The following ADAMTSL1 variants were observed in gnomAD, a reference collection of about 807,000 sequenced individuals.
ADAMTSL1 encodes ADAMTS like 1, also known as ADAMTS-like protein 1.
A neutral mutation model predicts 201.8 loss-of-function variants in ADAMTSL1; 126 were observed. That is an observed-to-expected ratio of 0.62 (90% CI 0.54 to 0.72). The LOEUF (loss-of-function observed/expected upper bound fraction) is 0.72. Among genes scored for constraint, ADAMTSL1 ranks in the 30% least tolerant of loss-of-function variants. The pLI is 0.00. For synonymous variants in ADAMTSL1, 1,121 were observed against 903.4 expected, an observed-to-expected ratio of 1.24 and a Z score of -4.32; for missense variants, 2,679 against 2,277.8, an observed-to-expected ratio of 1.18 and a Z score of -3.59.
intron 1 of ADAMTSL1, among the ~76,000 whole-genome samples, chr9:18,091,712 A>C (rs1348383044): frequency 6.6e-6 from 1 of 152,160 alleles, no homozygotes; most frequent in Non-Finnish European, 1.5e-5. Flanking sequence ...CTTATAGAGC[A>C]ATGTGGCATG....
intron 1 of ADAMTSL1, among the ~76,000 whole-genome samples, chr9:17,984,185 A>C (rs1046087740): frequency 1.3e-5 from 2 of 152,126 alleles, no homozygotes; most frequent in African/African-American, 4.8e-5. Context: ...TCTTTTTCAA[A>C]ATTAAAATAG....
At chr9:18,399,316 T>TAC (rs529831193) in intron 2 of ADAMTSL1, among the ~76,000 whole-genome samples, 1 of 122,766 alleles carries the variant, frequency 8.1e-6, no homozygotes, top group African/African-American at 3.2e-5. Flanking sequence ...TATATATATA[T>TAC]ATATATATAT....
chr9:18,811,853 ACAAT>A (rs1448995979), intron 20 of ADAMTSL1, among the ~76,000 whole-genome samples: 1 of 152,222 alleles, frequency 6.6e-6, no homozygotes, highest in African/African-American at 2.4e-5. Context: ...GTCTTTATAG[ACAAT>A]CAAAAGAAAA....
intron 1 of ADAMTSL1, among the ~76,000 whole-genome samples, chr9:17,970,233 C>G (rs921835744): frequency 2.0e-5 from 3 of 152,026 alleles, no homozygotes; most frequent in African/African-American, 7.2e-5. Flanking sequence ...ATGGGAGTAT[C>G]TTAACCTCTT....
chr9:18,874,365 T>C (rs1202117296), intron 23 of ADAMTSL1, among the ~76,000 whole-genome samples: 1 of 152,142 alleles, frequency 6.6e-6, no homozygotes, highest in East Asian at 1.9e-4. Context: ...TGGGCATTCT[T>C]GTCTTGTTCT....
In ADAMTSL1 at chr9:17,944,207, G is replaced by A. The variant is rs536477487; in HGVS notation, c.87+37285G>A. Among the ~76,000 whole-genome samples, 26 of 152,008 alleles carry A rather than the reference G, an allele frequency of 1.7e-4. 1 individual carries two copies. The highest frequency in any genetic ancestry group is 2.9e-4 in the African/African-American group (12 of 41,460). On this transcript the variant is annotated intron_variant, in intron 1 of 29. Coordinates refer to the ADAMTSL1 transcript ENST00000680146. ...AGAGCCAAATCATGAGTGAACTCCC[G>A]TTCACAATTGCTTCAAAGAGAATAA...
At chr9:18,000,560 C>T (rs1819569780) in intron 1 of ADAMTSL1, among the ~76,000 whole-genome samples, 1 of 152,008 alleles carries the variant, frequency 6.6e-6, no homozygotes, top group Non-Finnish European at 1.5e-5. Flanking sequence ...TGTTAGTCAT[C>T]TTGCTTCTAG....
Position 18,865,905 on chromosome 9 carries a change from G to A in ADAMTSL1, c.4250-21926G>A, listed in dbSNP as rs527517269. On this transcript the variant is annotated intron_variant, in intron 23 of 28. Coordinates refer to ENST00000380548, the MANE Select transcript of ADAMTSL1 (RefSeq NM_001040272.6). ...TGCTGATGGCCTCTTTCCTGGGGTGGAAATGCTCCGCATATACGTAGCTGG... is the reference window on the plus strand; with the variant it reads ...TGCTGATGGCCTCTTTCCTGGGGTGAAAATGCTCCGCATATACGTAGCTGG... Among the ~76,000 whole-genome samples, 12 of 152,140 alleles carry A rather than the reference G, an allele frequency of 7.9e-5. No homozygotes were observed. The East Asian group carries it at 2.3e-3, about 29-fold the overall frequency.
chr9:18,805,813 G>C (rs1030849126), intron 20 of ADAMTSL1, among the ~76,000 whole-genome samples: 1 of 152,152 alleles, frequency 6.6e-6, no homozygotes, highest in Non-Finnish European at 1.5e-5. Context: ...TTGGCTTCAG[G>C]ATCTCAAACC....
chr9:18,049,326 G>A (rs1273255228), intron 1 of ADAMTSL1, among the ~76,000 whole-genome samples: 5 of 152,176 alleles, frequency 3.3e-5, no homozygotes, highest in African/African-American at 1.2e-4. Flanking sequence ...TACCAGTGGT[G>A]ATTTTCAGCA....
intron 1 of ADAMTSL1, among the ~76,000 whole-genome samples, chr9:18,143,585 A>T (rs1158758120): frequency 1.3e-5 from 2 of 152,062 alleles, no homozygotes; most frequent in African/African-American, 4.8e-5. Flanking sequence ...CCATGGGTCA[A>T]GTGTAGGCGT....
chr9:18,057,687 A>C (rs1227944356), intron 1 of ADAMTSL1, among the ~76,000 whole-genome samples: 1 of 152,054 alleles, frequency 6.6e-6, no homozygotes, highest in Non-Finnish European at 1.5e-5. Flanking sequence ...ACCACCACCC[A>C]TGTTCTCTGG....
chr9:18,585,519 G>C (rs1452137798), intron 4 of ADAMTSL1, among the ~76,000 whole-genome samples: 3 of 151,992 alleles, frequency 2.0e-5, no homozygotes, highest in Non-Finnish European at 4.4e-5. Context: ...GGAAATTGAG[G>C]CTCATAGAAA....
At chr9:18,080,255 CATATAAGGTAGAG>C (rs1823433728) in intron 1 of ADAMTSL1, among the ~76,000 whole-genome samples, 1 of 152,070 alleles carries the variant, frequency 6.6e-6, no homozygotes, top group Admixed American at 6.5e-5. Flanking sequence ...ACACCAAAGA[CATATAAGGTAGAG>C]ATATAAGGTA....
At chr9:18,468,084 C>T (rs1821073227) in intron 2 of ADAMTSL1, among the ~76,000 whole-genome samples, 1 of 152,102 alleles carries the variant, frequency 6.6e-6, no homozygotes, top group Non-Finnish European at 1.5e-5. Context: ...TTCTCTATTT[C>T]AAAAAGGCTA....
intron 1 of ADAMTSL1, among the ~76,000 whole-genome samples, chr9:18,156,375 G>T (rs1827152787): frequency 6.6e-6 from 1 of 151,910 alleles, no homozygotes; most frequent in South Asian, 2.1e-4. Context: ...TTAAAGTATG[G>T]GTGGTATCCT....
chr9:18,390,464 G>A (rs902690336), intron 2 of ADAMTSL1, among the ~76,000 whole-genome samples: 10 of 152,182 alleles, frequency 6.6e-5, no homozygotes, highest in African/African-American at 2.4e-4. Flanking sequence ...ATGTCTTTCA[G>A]GCAACCCAAA....
intron 2 of ADAMTSL1, among the ~76,000 whole-genome samples, chr9:18,367,251 C>CT (rs1836808666): frequency 6.6e-6 from 1 of 152,114 alleles, no homozygotes; most frequent in African/African-American, 2.4e-5. Flanking sequence ...TAAAACAAAT[C>CT]TAAGATACAA....
intron 2 of ADAMTSL1, among the ~76,000 whole-genome samples, chr9:18,410,690 A>G (rs1465139391): frequency 2.6e-5 from 4 of 152,214 alleles, no homozygotes; most frequent in Non-Finnish European, 5.9e-5. Flanking sequence ...AAACATATAC[A>G]TGTATTAATA....
Sources: gnomAD v4.1 joint callset for allele counts (sites outside exome capture counted in the v4.1 genomes callset) on GRCh38, gnomAD v4.1.1 for gene constraint, MANE v1.5 for transcripts, NCBI Gene and HGNC (gene_info 2026-07-23, HGNC 2026-07-21) for gene names.